Variants in VIP observed in about 807,000 individuals in gnomAD.
VIP encodes VIP peptides.
VIP carries 18 observed loss-of-function variants against 20.1 expected under a neutral mutation model. The observed-to-expected ratio is 0.90, with a 90% CI of 0.62 to 1.33. The LOEUF (loss-of-function observed/expected upper bound fraction) is 1.33. Ranked by LOEUF, VIP falls within the 40% of genes most tolerant of loss-of-function variation. VIP has a pLI of 0.00. For synonymous variants in VIP, 70 were observed against 68.1 expected (o/e 1.03, Z -0.14); for missense variants, 209 against 199.4 (o/e 1.05, Z -0.29).
At chr6:152,756,011 T>G in intron 4 of VIP, 123 bp from the exon 5 acceptor site, 1 of 1,074,774 alleles carries the variant, frequency 9.3e-7, no homozygotes, top group Non-Finnish European at 1.3e-6. Context: ...TTTTAGTCTT[T>G]TTATGATAGA....
At chr6:152,753,641 T>G (rs986236174) in intron 2 of VIP, among the ~76,000 whole-genome samples, 2 of 152,046 alleles carry the variant, frequency 1.3e-5, no homozygotes, top group Admixed American at 1.3e-4. Context: ...AAATATATAA[T>G]GCCAAAGTAA....
intron 3 of VIP, among the ~76,000 whole-genome samples, chr6:152,754,905 G>A (rs1344241750): frequency 6.6e-6 from 1 of 151,856 alleles, no homozygotes; most frequent in Admixed American, 6.6e-5. Context: ...TTTATTCAGT[G>A]GGGCAGACAC....
intron 4 of VIP, 129 bp downstream of exon 4, chr6:152,755,502 A>G (rs941050090): frequency 3.5e-6 from 2 of 572,448 alleles, no homozygotes; most frequent in Admixed American, 4.0e-5. Context: ...AATTTAGTTA[A>G]ATGAAATAAC....
chr6:152,754,976 T>C (rs2099730196), intron 3 of VIP, among the ~76,000 whole-genome samples: 2 of 151,946 alleles, frequency 1.3e-5, no homozygotes, highest in Non-Finnish European at 2.9e-5. Flanking sequence ...CCAATATTTC[T>C]TAGAAAGAAA....
At chr6:152,751,717 G>A (rs1042107732) in intron 1 of VIP, among the ~76,000 whole-genome samples, 1 of 151,870 alleles carries the variant, frequency 6.6e-6, no homozygotes, top group Admixed American at 6.6e-5. Context: ...TTATACATTT[G>A]CACACACACG....
rs1216583976 is a variant in VIP, at chr6:152,759,421, A to G, written c.*555A>G. 1 of 152,004 alleles carries G rather than the reference A, an allele frequency of 6.6e-6. No homozygotes were observed. The highest frequency in any genetic ancestry group is 1.5e-5 in the Non-Finnish European group (1 of 67,956). The allele number at this position is 152,004 out of a possible 1,614,324, so 9.4% of individuals were successfully genotyped here. A position where few individuals can be genotyped will look rare whatever the true frequency, so the allele number is the denominator to read the frequency against. Reference sequence around the variant, plus strand: ...TTCAGAAAATATTATGTGTTTCCATATTTTATAGGCAACCTTTATTTTTAA... The same window carrying G: ...TTCAGAAAATATTATGTGTTTCCATGTTTTATAGGCAACCTTTATTTTTAA... On this transcript the variant is annotated 3_prime_UTR_variant, in exon 7 of 7. Transcript: ENST00000367244.
At chr6:152,757,371 T>G (rs2099730586) in intron 6 of VIP, among the ~76,000 whole-genome samples, 187 bp downstream of exon 6, 1 of 151,886 alleles carries the variant, frequency 6.6e-6, no homozygotes, top group Non-Finnish European at 1.5e-5. Context: ...TTCATGAAAT[T>G]TTTTTGATCT....
chr6:152,757,178 C>T lies in VIP; in HGVS notation c.*37C>T, dbSNP rs777759951. The T allele has an allele frequency of 6.2e-7, 1 of 1,601,086 alleles. No homozygotes were observed. The highest frequency in any genetic ancestry group is 1.7e-5 in the Admixed American group (1 of 59,580). ...TTTGGAGCAAAGCTGATGACAACTT[C>T]CCAGTGGTGGGTATATTCGTGCATT... is the stretch of plus-strand genomic sequence containing the variant. On this transcript the variant is annotated 3_prime_UTR_variant, in exon 6 of 7. Transcript: ENST00000367244.
intron 2 of VIP, 105 bp downstream of exon 2, chr6:152,752,389 G>A: frequency 1.1e-6 from 1 of 937,664 alleles, no homozygotes; most frequent in Non-Finnish European, 1.5e-6. Context: ...TATGTATTAT[G>A]TATTTAAATT....
chr6:152,756,128 C>G lies in VIP; in HGVS notation c.336-6C>G. On this transcript the variant is annotated splice_polypyrimidine_tract_variant and splice_region_variant and intron_variant, in intron 4 of 6. Transcript: ENST00000367244. ...TCTTTGATTTCCTTTTCCTCATGTT[C>G]CTTAGCAGTAACATCTCAGAAGACC... The G allele has an allele frequency of 6.5e-7, 1 of 1,547,396 alleles. No homozygotes were observed. The highest frequency in any genetic ancestry group is 8.7e-7 in the Non-Finnish European group (1 of 1,148,808).
intron 2 of VIP, 147 bp from the exon 3 acceptor site, chr6:152,754,019 G>A (rs1389798996): frequency 9.8e-6 from 8 of 815,270 alleles, no homozygotes; most frequent in Non-Finnish European, 1.5e-5. Flanking sequence ...AACTATATGA[G>A]CCATTAAGTC....
At chr6:152,753,757 T>C (rs1391517141) in intron 2 of VIP, among the ~76,000 whole-genome samples, 2 of 152,072 alleles carry the variant, frequency 1.3e-5, no homozygotes, top group Admixed American at 6.6e-5. Flanking sequence ...AATCCATAAA[T>C]TGTTATCAGT....
In VIP at chr6:152,755,349, A is replaced by G. The variant is rs769423077; in HGVS notation, c.311A>G (p.Glu104Gly). The G allele has an allele frequency of 2.5e-5, 39 of 1,589,988 alleles. No homozygotes were observed. In the African/African-American group the frequency reaches 4.1e-4, roughly 17 times the overall value. ...LGQLSAKKYL[E>G]SLMGKRVSSN... ...CAACTTTCTGCCAAAAAGTACCTTG[A>G]GTCTCTTATGGGAAAACGTGTTAGG... The change falls in exon 4 of 7, where the codon GAG (glutamate) becomes GGG (glycine). Residue 104 changes from glutamate to glycine, a missense_variant. Transcript: ENST00000367244.
At chr6:152,752,808 C>T (rs916314226) in intron 2 of VIP, among the ~76,000 whole-genome samples, 5 of 152,020 alleles carry the variant, frequency 3.3e-5, no homozygotes, top group Non-Finnish European at 5.9e-5. Flanking sequence ...TATTGAGATA[C>T]ACTCCCCCAA....
At chr6:152,754,372 A>C in intron 3 of VIP, 84 bp downstream of exon 3, 162 of 1,317,454 alleles carry the variant, frequency 1.2e-4, no homozygotes, top group Non-Finnish European at 1.5e-4. Context: ...ATTTTATCTC[A>C]CCATGAAGCT....
At chr6:152,752,831 G>T (rs1250288469) in intron 2 of VIP, among the ~76,000 whole-genome samples, 3 of 152,038 alleles carry the variant, frequency 2.0e-5, no homozygotes, top group Middle Eastern at 3.4e-3. Context: ...GGAAAATTTT[G>T]ATATACTTTG....
intron 2 of VIP, among the ~76,000 whole-genome samples, chr6:152,753,308 C>T (rs1289815922): frequency 1.3e-5 from 2 of 152,114 alleles, no homozygotes; most frequent in Non-Finnish European, 2.9e-5. Context: ...CTCCCAACTC[C>T]CAAATCACTG....
intron 2 of VIP, 54 bp from the exon 3 acceptor site, chr6:152,754,112 C>A: frequency 1.9e-6 from 3 of 1,576,852 alleles, no homozygotes; most frequent in Non-Finnish European, 1.7e-6. Context: ...CGGAACCATA[C>A]ACACTGTCTT....
chr6:152,757,013 C>A (rs2099730524), intron 5 of VIP, 83 bp from the exon 6 acceptor site: 1 of 1,352,966 alleles, frequency 7.4e-7, no homozygotes, highest in Non-Finnish European at 1.0e-6. Context: ...CAGAGAACAG[C>A]ACATTCATTA....
Sources: allele counts gnomAD v4.1 joint callset (sites outside exome capture counted in the v4.1 genomes callset), GRCh38; gene constraint gnomAD v4.1.1; transcripts MANE v1.5; gene names NCBI Gene and HGNC (gene_info 2026-07-23, HGNC 2026-07-21).